SDC2: variants seen among roughly 807,000 people sequenced by gnomAD.
SDC2 encodes syndecan 2, also known as syndecan-2.
SDC2 carries 13 observed loss-of-function variants against 22.2 expected under a neutral mutation model. The ratio of observed to expected loss-of-function variants is 0.59; its 90% CI spans 0.38 to 0.93. The LOEUF (loss-of-function observed/expected upper bound fraction) is 0.93. SDC2 is among the 40% of genes least tolerant of loss of function. The pLI is 0.00. For synonymous variants in SDC2, 94 were observed against 92.8 expected, an observed-to-expected ratio of 1.01 and a Z score of -0.07; for missense variants, 235 against 246.8, an observed-to-expected ratio of 0.95 and a Z score of 0.32.
At chr8:96,594,941 T>A (rs1267056541) in intron 2 of SDC2, among the ~76,000 whole-genome samples, 4 of 152,102 alleles carry the variant, frequency 2.6e-5, no homozygotes, top group African/African-American at 7.2e-5. Context: ...CTCCCATGAG[T>A]CAGTGATCTC....
intron 1 of SDC2, among the ~76,000 whole-genome samples, chr8:96,545,756 G>T (rs1013426432): frequency 2.6e-5 from 4 of 152,212 alleles, no homozygotes; most frequent in Non-Finnish European, 5.9e-5. Context: ...TAGGGTGGTG[G>T]CCTGGGCGTC....
intron 1 of SDC2, among the ~76,000 whole-genome samples, chr8:96,507,989 C>T (rs1813267602): frequency 6.6e-6 from 1 of 151,978 alleles, no homozygotes; most frequent in African/African-American, 2.4e-5. Context: ...TGGTGAAACC[C>T]TGTCTCTACT....
At chr8:96,507,444 T>C (rs1311585350) in intron 1 of SDC2, among the ~76,000 whole-genome samples, 1 of 152,200 alleles carries the variant, frequency 6.6e-6, no homozygotes, top group Non-Finnish European at 1.5e-5. Context: ...TTAGATACTT[T>C]TTCTATTTCC....
chr8:96,511,454 C>T (rs1013079333), intron 1 of SDC2, among the ~76,000 whole-genome samples: 5 of 152,174 alleles, frequency 3.3e-5, no homozygotes, highest in African/African-American at 1.2e-4. Context: ...CTCATAAGCA[C>T]ATTAAAGTTT....
In SDC2 at chr8:96,507,186, A is replaced by C. The variant is rs541734459; in HGVS notation, c.60+12855A>C. Among the ~76,000 whole-genome samples the C allele has an allele frequency of 3.3e-5, 5 of 152,328 alleles. No individual in the cohort carries two copies. The South Asian group carries it at 1.0e-3, about 32-fold the overall frequency. On this transcript the variant is annotated intron_variant, in intron 1 of 4. Transcript: ENST00000302190. ...CCAGAGAGGTTAAGTGATTTATCCA[A>C]GATTACCTAGGTAATTAGTGGCAGA... is the stretch of plus-strand genomic sequence containing the variant.
At chr8:96,533,743 C>G (rs950626367) in intron 1 of SDC2, among the ~76,000 whole-genome samples, 21 of 151,948 alleles carry the variant, frequency 1.4e-4, no homozygotes, top group Non-Finnish European at 2.5e-4. Context: ...CATAAAGGTT[C>G]TCCAAGTCCC....
At chr8:96,496,003 C>G (rs897419073) in intron 1 of SDC2, among the ~76,000 whole-genome samples, 1 of 152,218 alleles carries the variant, frequency 6.6e-6, no homozygotes, top group Non-Finnish European at 1.5e-5. Flanking sequence ...TTGTTTATTT[C>G]AGATGAGCGT....
chr8:96,538,223 G>C (rs1813785810), intron 1 of SDC2, among the ~76,000 whole-genome samples: 2 of 152,116 alleles, frequency 1.3e-5, no homozygotes, highest in Non-Finnish European at 2.9e-5. Context: ...GCCTCCCAAA[G>C]TTCTGGGATT....
rs566393863 is a variant in SDC2, at chr8:96,523,618, A to G, written c.60+29287A>G. ...AGGAGGTGGCTGTGGGACTGCTATT[A>G]TAGCCCAAAATGCCTGGTAGGAAGA... is the stretch of plus-strand genomic sequence containing the variant. On this transcript the variant is annotated intron_variant, in intron 1 of 4. Coordinates refer to ENST00000302190, the MANE Select transcript of SDC2 (RefSeq NM_002998.4). Among the ~76,000 whole-genome samples, 23 of 152,322 alleles carry G rather than the reference A, an allele frequency of 1.5e-4. No individual in the cohort carries two copies. In the East Asian group the frequency reaches 4.2e-3, roughly 28 times the overall value.
intron 1 of SDC2, among the ~76,000 whole-genome samples, chr8:96,540,105 A>G (rs1255810397): frequency 6.6e-6 from 1 of 151,928 alleles, no homozygotes; most frequent in Non-Finnish European, 1.5e-5. Flanking sequence ...TATGAAAATC[A>G]TCTATGATTA....
At chr8:96,594,595 C>T (rs994630789) in intron 2 of SDC2, among the ~76,000 whole-genome samples, 2 of 152,108 alleles carry the variant, frequency 1.3e-5, no homozygotes, top group Non-Finnish European at 2.9e-5. Flanking sequence ...TATGTATACA[C>T]GGAGGATTAA....
chr8:96,590,482 T>C (rs16894816), intron 1 of SDC2, among the ~76,000 whole-genome samples: 12,265 of 152,216 alleles, frequency 0.081, 595 homozygotes, highest in East Asian at 0.21. Flanking sequence ...TCACCCCTTT[T>C]CATGGCCTTG....
intron 1 of SDC2, among the ~76,000 whole-genome samples, chr8:96,557,682 G>A (rs139211693): frequency 3.3e-4 from 50 of 152,184 alleles, no homozygotes; most frequent in African/African-American, 1.1e-3. Flanking sequence ...GGTAGATGAC[G>A]AGTTAGTGGG....
chr8:96,503,869 T>C (rs912933863), intron 1 of SDC2, among the ~76,000 whole-genome samples: 1 of 152,204 alleles, frequency 6.6e-6, no homozygotes, highest in African/African-American at 2.4e-5. Context: ...TTAGCATCAC[T>C]CTATGTCAAA....
At chr8:96,528,656 CTTTG>C (rs1440044548) in intron 1 of SDC2, among the ~76,000 whole-genome samples, 3 of 151,976 alleles carry the variant, frequency 2.0e-5, no homozygotes, top group Admixed American at 6.6e-5. Flanking sequence ...GTTTTTTAAT[CTTTG>C]TTTGATTTTA....
At position 96,610,641 on chromosome 8, in the gene SDC2, A is replaced by G. The variant is rs1815160193; in HGVS notation, c.*1093A>G. On this transcript the variant is annotated 3_prime_UTR_variant, in exon 5 of 5. Transcript: ENST00000302190. ...AATAAATCATGTGGCCTAATATTGAAAATGTCACTGTTATAAATTTTGTAC... is the reference window on the plus strand; with the variant it reads ...AATAAATCATGTGGCCTAATATTGAGAATGTCACTGTTATAAATTTTGTAC... 1 of 152,630 alleles carries G rather than the reference A, an allele frequency of 6.6e-6. No homozygotes were observed. The highest frequency in any genetic ancestry group is 2.4e-5 in the African/African-American group (1 of 41,454). The allele number at this position is 152,630 out of a possible 1,614,324, so 9.5% of individuals were successfully genotyped here. A position where few individuals can be genotyped will look rare whatever the true frequency, so the allele number is the denominator to read the frequency against.
intron 1 of SDC2, chr8:96,580,229 G>A (rs574244236): frequency 1.5e-4 from 31 of 209,274 alleles, no homozygotes; most frequent in East Asian, 5.5e-4. Context: ...AGAGGTTACC[G>A]TGGCAGCTGC....
intron 1 of SDC2, among the ~76,000 whole-genome samples, chr8:96,521,428 C>G (rs1408959438): frequency 1.3e-5 from 2 of 152,238 alleles, no homozygotes; most frequent in East Asian, 3.9e-4. Flanking sequence ...GCTCTGAAAA[C>G]AAGGAAGGAT....
At chr8:96,525,328 CTCTTT>C (rs918429832) in intron 1 of SDC2, among the ~76,000 whole-genome samples, 1 of 151,640 alleles carries the variant, frequency 6.6e-6, no homozygotes, top group Non-Finnish European at 1.5e-5. Context: ...CTTTCTGCTC[CTCTTT>C]TAACAGCTGC....
Sources: allele counts gnomAD v4.1 joint callset (sites outside exome capture counted in the v4.1 genomes callset), GRCh38; gene constraint gnomAD v4.1.1; transcripts MANE v1.5; gene names NCBI Gene and HGNC (gene_info 2026-07-23, HGNC 2026-07-21).